Variants in PCDHA5 observed in about 807,000 individuals in gnomAD.
PCDHA5 encodes protocadherin alpha-5.
PCDHA5 carries 43 observed loss-of-function variants against 61.6 expected under a neutral mutation model. That is an observed-to-expected ratio of 0.70 (90% CI 0.55 to 0.90). The LOEUF is 0.90. Among genes scored for constraint, PCDHA5 ranks in the 40% least tolerant of loss-of-function variants. The probability of loss-of-function intolerance (pLI) is 0.00; values close to 1 mark genes in which losing one functional copy is unlikely to be tolerated. For missense variants in PCDHA5, 1,298 were observed against 1,222.7 expected, an observed-to-expected ratio of 1.06 and a Z score of -0.92; for synonymous variants, 627 against 543.9, an observed-to-expected ratio of 1.15 and a Z score of -2.13.
At chr5:140,918,943 T>C (rs1554198839) in intron 1 of PCDHA5, among the ~76,000 whole-genome samples, 1 of 152,220 alleles carries the variant, frequency 6.6e-6, no homozygotes, top group Non-Finnish European at 1.5e-5. Context: ...TGTTATAATA[T>C]CCTGAACAGA....
chr5:140,914,020 C>T (rs2076562854), intron 1 of PCDHA5, among the ~76,000 whole-genome samples: 1 of 152,036 alleles, frequency 6.6e-6, no homozygotes, highest in African/African-American at 2.4e-5. Context: ...GAGAATGATC[C>T]ACGTGCTGAG....
At chr5:140,830,292 C>G in intron 1 of PCDHA5, 2 of 1,613,830 alleles carry the variant, frequency 1.2e-6, no homozygotes, top group Non-Finnish European at 1.7e-6. Context: ...GCGTGCACGG[C>G]GGACAAGCCC....
intron 1 of PCDHA5, among the ~76,000 whole-genome samples, chr5:140,941,077 G>C (rs2092726978): frequency 6.6e-6 from 1 of 152,068 alleles, no homozygotes; most frequent in South Asian, 2.1e-4. Context: ...CTGGAGAGTA[G>C]GTGGGTTTAG....
In PCDHA5 at chr5:140,850,658, G is replaced by T. The variant is rs2150492440; in HGVS notation, c.2352+26531G>T. On this transcript the variant is annotated intron_variant, in intron 1 of 3. Transcript: ENST00000529859. The stretch of plus-strand genomic sequence containing the variant: ...TCACGCTGCTGCTGTACACTGTGCT[G>T]CGGTGCTCGGCGATGCCCACCGAGG... 24 of 1,598,502 alleles carry T rather than the reference G, an allele frequency of 1.5e-5. 1 individual carries two copies. Among genetic ancestry groups the T allele is most frequent in the African/African-American group, 5.4e-5 (4 of 74,388 alleles).
chr5:140,929,460 C>A, intron 1 of PCDHA5: 1 of 1,331,154 alleles, frequency 7.5e-7, no homozygotes, highest in Non-Finnish European at 1.0e-6. Context: ...ACTTCCTGTG[C>A]CAAGAAATCT....
At position 140,836,647 on chromosome 5, in the gene PCDHA5, G is replaced by C. The variant is rs2150266694; in HGVS notation, c.2352+12520G>C. The C allele has an allele frequency of 1.3e-5, 21 of 1,613,346 alleles. 1 individual carries two copies. The highest frequency in any genetic ancestry group is 1.6e-5 in the Non-Finnish European group (19 of 1,179,654). ...AGCTGGTCATTCTCCCAGCAGAGGCGGCAGAGGGTGTGCTCTGGGGAGGGC... is the reference window on the plus strand; with the variant it reads ...AGCTGGTCATTCTCCCAGCAGAGGCCGCAGAGGGTGTGCTCTGGGGAGGGC... On this transcript the variant is annotated intron_variant, in intron 1 of 3. Transcript: ENST00000529859.
Position 140,862,950 on chromosome 5 carries a change from G to T in PCDHA5, c.2352+38823G>T, listed in dbSNP as rs559605019. The T allele has an allele frequency of 5.5e-6, 3 of 541,462 alleles. No homozygotes were observed. The East Asian group carries it at 1.4e-4, about 26-fold the overall frequency. 33.5% of individuals were successfully genotyped at this position (541,462 alleles called of 1,614,324 possible). A position where few individuals can be genotyped will look rare whatever the true frequency, so the allele number is the denominator to read the frequency against. ...GGCGGCGCTGTGAGTGAGCTGGTGC[G>T]GTATTCAGTGGATGCAGGCCACTTG... On this transcript the variant is annotated intron_variant, in intron 1 of 3. Coordinates refer to ENST00000529859, the MANE Select transcript of PCDHA5 (RefSeq NM_018908.3).
intron 1 of PCDHA5, chr5:140,928,604 C>T: frequency 6.2e-7 from 1 of 1,614,198 alleles, no homozygotes; most frequent in Non-Finnish European, 8.5e-7. Context: ...GAAATTGTGC[C>T]CCGCTCTGCC....
intron 1 of PCDHA5, chr5:140,863,089 A>C: frequency 3.5e-6 from 2 of 575,052 alleles, no homozygotes; most frequent in Non-Finnish European, 6.9e-6. Context: ...CGAGATCAGC[A>C]CGACGAGTAC....
intron 1 of PCDHA5, among the ~76,000 whole-genome samples, chr5:140,936,745 T>C (rs2091123001): frequency 6.6e-6 from 1 of 152,234 alleles, no homozygotes; most frequent in Non-Finnish European, 1.5e-5. Context: ...ACTTTTCATT[T>C]GTATTGATAT....
rs140822878 is a variant in PCDHA5 at position 140,941,951 on chromosome 5, A to C, written c.2353-36998A>C. Among the ~76,000 whole-genome samples the C allele has an allele frequency of 9.8e-5, 15 of 152,306 alleles. No individual in the cohort carries two copies. The East Asian group carries it at 2.7e-3, about 27-fold the overall frequency. On this transcript the variant is annotated intron_variant, in intron 1 of 3. Transcript: ENST00000529859. Reference sequence around the variant, plus strand: ...ATATTTGAATTACTTTTGTTTTGAAAACAATAGTATCTTTACTTTCCCTAA... The same window carrying C: ...ATATTTGAATTACTTTTGTTTTGAACACAATAGTATCTTTACTTTCCCTAA...
chr5:140,835,534 AG>A, intron 1 of PCDHA5: 1 of 1,613,954 alleles, frequency 6.2e-7, no homozygotes, highest in Non-Finnish European at 8.5e-7. Flanking sequence ...GTCAACGGAC[AG>A]GTTACCTGCT....
intron 1 of PCDHA5, chr5:140,841,828 C>A: frequency 6.2e-7 from 1 of 1,613,892 alleles, no homozygotes; most frequent in Middle Eastern, 1.6e-4. Context: ...CCGTGTTAAC[C>A]TACAGGCTTA....
At chr5:140,982,218 G>A (rs1054533925) in intron 2 of PCDHA5, 11 of 523,574 alleles carry the variant, frequency 2.1e-5, no homozygotes, top group African/African-American at 7.7e-5. Context: ...GCCACATGGC[G>A]TTAATAAAAA....
chr5:140,854,993 C>T lies in PCDHA5; in HGVS notation c.2352+30866C>T, dbSNP rs781816835. Among the ~76,000 whole-genome samples, 37 of 149,404 alleles carry T rather than the reference C, an allele frequency of 2.5e-4. 3 individuals carry two copies. The highest frequency in any genetic ancestry group is 4.7e-4 in the Admixed American group (7 of 14,878). ...AATTATAATTAAGATTCTTTTTGCC[C>T]GTGTAAGATATTATAAAATGAAACT... is the stretch of plus-strand genomic sequence containing the variant. On this transcript the variant is annotated intron_variant, in intron 1 of 3. Coordinates refer to ENST00000529859, the MANE Select transcript of PCDHA5 (RefSeq NM_018908.3).
chr5:140,851,090 A>G lies in PCDHA5; in HGVS notation c.2352+26963A>G. 3.9e-6 allele frequency: 5 copies of G among 1,295,740 alleles called. 1 individual carries two copies. Among genetic ancestry groups the G allele is most frequent in the African/African-American group, 1.5e-5 (1 of 65,588 alleles). The allele number at this position is 1,295,740 out of a possible 1,614,324, so 80.3% of individuals were successfully genotyped here. ...GAGAATTATAAACTGTATATTAAAT[A>G]GATATTTTTTGGGTGCTGAATCAAT... is the stretch of plus-strand genomic sequence containing the variant. On this transcript the variant is annotated intron_variant, in intron 1 of 3. Coordinates refer to ENST00000529859, the MANE Select transcript of PCDHA5 (RefSeq NM_018908.3).
At chr5:140,862,994 G>T (rs199654880) in intron 1 of PCDHA5, 1 of 549,002 alleles carries the variant, frequency 1.8e-6, no homozygotes. Flanking sequence ...GGTGCGCACG[G>T]TGGACTCCAG....
At chr5:140,862,843 C>T (rs781903712) in intron 1 of PCDHA5, 3 of 572,390 alleles carry the variant, frequency 5.2e-6, no homozygotes, top group African/African-American at 2.0e-5. Flanking sequence ...GGGCATGCCG[C>T]CTCTGAGCAG....
chr5:140,936,270 T>G (rs1367001317), intron 1 of PCDHA5, among the ~76,000 whole-genome samples: 2 of 152,226 alleles, frequency 1.3e-5, no homozygotes, highest in Non-Finnish European at 2.9e-5. Context: ...GAAGATATAT[T>G]CCTGTGTTTT....
Sources: gnomAD v4.1 joint callset for allele counts (sites outside exome capture counted in the v4.1 genomes callset) on GRCh38, gnomAD v4.1.1 for gene constraint, MANE v1.5 for transcripts, NCBI Gene and HGNC (gene_info 2026-07-23, HGNC 2026-07-21) for gene names.